The following LMBR1 variants were observed in gnomAD, a reference collection of about 807,000 sequenced individuals.
LMBR1 encodes limb region 1 protein homolog.
In LMBR1, 52 loss-of-function variants were observed where a neutral mutation model predicts 73.9. The ratio of observed to expected loss-of-function variants is 0.70; its 90% CI spans 0.56 to 0.89. The LOEUF (loss-of-function observed/expected upper bound fraction) is 0.89, where lower values mean the gene tolerates loss of function less well. Ranked by LOEUF, LMBR1 falls within the 40% of genes least tolerant of loss-of-function variation. The pLI, the probability that LMBR1 is intolerant of heterozygous loss-of-function variation, is 0.00. For missense variants in LMBR1, 539 were observed against 579.8 expected, an observed-to-expected ratio of 0.93 and a Z score of 0.72; for synonymous variants, 215 against 209.4, an observed-to-expected ratio of 1.03 and a Z score of -0.23.
intron 5 of LMBR1, among the ~76,000 whole-genome samples, chr7:156,781,166 T>A: frequency 6.6e-6 from 1 of 152,194 alleles, no homozygotes; most frequent in East Asian, 1.9e-4. Context: ...TTACTTATTA[T>A]TACAGTGAAA....
At chr7:156,720,206 T>G (rs962374817) in intron 15 of LMBR1, among the ~76,000 whole-genome samples, 6 of 151,912 alleles carry the variant, frequency 3.9e-5, no homozygotes, top group Non-Finnish European at 8.8e-5. Context: ...AACCTACTCA[T>G]CTGACAAAGG....
At chr7:156,730,772 C>G (rs1271347032) in intron 10 of LMBR1, among the ~76,000 whole-genome samples, 1 of 152,076 alleles carries the variant, frequency 6.6e-6, no homozygotes, top group Non-Finnish European at 1.5e-5. Flanking sequence ...CCCGTCTCTA[C>G]TAAAAATACA....
intron 4 of LMBR1, among the ~76,000 whole-genome samples, chr7:156,803,716 C>T (rs1372933376): frequency 1.3e-5 from 2 of 151,838 alleles, no homozygotes; most frequent in Admixed American, 1.3e-4. Context: ...TGGCACTATT[C>T]ACAATAGAAA....
At chr7:156,738,545 C>A (rs1266873972) in intron 9 of LMBR1, among the ~76,000 whole-genome samples, 3 of 152,208 alleles carry the variant, frequency 2.0e-5, no homozygotes, top group African/African-American at 4.8e-5. Flanking sequence ...GGCAGCAGAG[C>A]TCACAGCAAG....
At chr7:156,787,202 A>AG (rs1828273381) in intron 5 of LMBR1, among the ~76,000 whole-genome samples, 1 of 151,990 alleles carries the variant, frequency 6.6e-6, no homozygotes, top group African/African-American at 2.4e-5. Context: ...TGTGCCTCTA[A>AG]CCTCATTTTT....
chr7:156,773,386 G>C (rs1373374144), intron 5 of LMBR1, among the ~76,000 whole-genome samples: 1 of 152,036 alleles, frequency 6.6e-6, no homozygotes, highest in Non-Finnish European at 1.5e-5. Flanking sequence ...TATAGTCAAA[G>C]CAATCCTAAG....
intron 15 of LMBR1, among the ~76,000 whole-genome samples, chr7:156,700,462 G>A (rs1046626179): frequency 6.6e-6 from 1 of 152,002 alleles, no homozygotes; most frequent in African/African-American, 2.4e-5. Context: ...GTTAATGGGT[G>A]CAGCACACCA....
intron 1 of LMBR1, among the ~76,000 whole-genome samples, chr7:156,872,889 A>T (rs533317850): frequency 2.6e-5 from 4 of 152,308 alleles, no homozygotes; most frequent in Admixed American, 2.0e-4. Flanking sequence ...ACGCTCTGAA[A>T]GAAGCAGATT....
intron 4 of LMBR1, among the ~76,000 whole-genome samples, chr7:156,814,259 A>G (rs1013649955): frequency 1.3e-5 from 2 of 152,210 alleles, no homozygotes; most frequent in Non-Finnish European, 2.9e-5. Context: ...AAAAAGGAAC[A>G]ATGTTTTGAG....
Position 156,724,151 on chromosome 7 carries a change from C to T in LMBR1, c.1186G>A (p.Val396Ile), listed in dbSNP as rs758641280. ...KIIGNCVSIL[V>I]LSSALPVMSR... is the part of the protein sequence containing the mutation. ...ATCACAGGCAGAGCAGAGCTCAAAACCAAGATGGACACACAATTTCCAATG... is the reference window on the plus strand; with the variant it reads ...ATCACAGGCAGAGCAGAGCTCAAAATCAAGATGGACACACAATTTCCAATG... The change falls in exon 15 of 17, where the codon GTT (valine) becomes ATT (isoleucine). Residue 396 changes from valine to isoleucine, a missense_variant. Around this residue, in one of 3 missense-constraint regions of LMBR1, gnomAD observed 454 missense variants for 473.4 expected, o/e 0.96. Transcript: ENST00000353442. 3 of 1,610,456 alleles carry T rather than the reference C, an allele frequency of 1.9e-6. No individual in the cohort carries two copies. The highest frequency in any genetic ancestry group is 1.7e-5 in the Admixed American group (1 of 59,584).
intron 14 of LMBR1, among the ~76,000 whole-genome samples, chr7:156,725,185 G>A (rs1438096063): frequency 6.6e-6 from 1 of 152,132 alleles, no homozygotes; most frequent in African/African-American, 2.4e-5. Flanking sequence ...AGTCCTTTCA[G>A]GAGCCTTCTA....
intron 15 of LMBR1, among the ~76,000 whole-genome samples, chr7:156,693,076 C>A (rs1229465920): frequency 1.3e-5 from 2 of 151,126 alleles, no homozygotes; most frequent in Non-Finnish European, 2.9e-5. Flanking sequence ...AAACAAAGAG[C>A]AAAATAAGAA....
Position 156,685,733 on chromosome 7 carries a change from A to G in LMBR1, c.1388-1570T>C, listed in dbSNP as rs1585180083. Among the ~76,000 whole-genome samples the G allele has an allele frequency of 1.3e-5, 2 of 152,250 alleles. No individual in the cohort carries two copies. The highest frequency in any genetic ancestry group is 3.8e-4 in the East Asian group (2 of 5,206). On this transcript the variant is annotated intron_variant, in intron 16 of 16. Coordinates refer to ENST00000353442, the MANE Select transcript of LMBR1 (RefSeq NM_022458.4). This position sits in a 1 kb window ranked among gnomAD's most constrained non-coding sequence, Gnocchi z 4.1. The stretch of plus-strand genomic sequence containing the variant: ...TGACCAAATGATCATCATGTGGCCT[A>G]TGGCCACACAGCAGCACTTCCACAG...
chr7:156,761,555 A>G (rs1032522405), intron 8 of LMBR1, among the ~76,000 whole-genome samples: 1 of 152,200 alleles, frequency 6.6e-6, no homozygotes, highest in African/African-American at 2.4e-5. Flanking sequence ...ATACCTGTAA[A>G]TATTTGTAAA....
chr7:156,690,651 A>G (rs1397888693), intron 15 of LMBR1, among the ~76,000 whole-genome samples: 1 of 152,216 alleles, frequency 6.6e-6, no homozygotes, highest in East Asian at 1.9e-4. Flanking sequence ...TTTTCAGGCT[A>G]TTTCAGGTTG....
intron 1 of LMBR1, among the ~76,000 whole-genome samples, chr7:156,886,487 T>C (rs1801928862): frequency 6.6e-6 from 1 of 152,204 alleles, no homozygotes; most frequent in East Asian, 1.9e-4. Context: ...AGCAGGGACA[T>C]GAAGGCACTG....
chr7:156,794,826 C>T (rs563930193), intron 5 of LMBR1, among the ~76,000 whole-genome samples: 2 of 152,258 alleles, frequency 1.3e-5, no homozygotes, highest in South Asian at 2.1e-4. Context: ...GCCGTGTCTA[C>T]AGATCAGTGT....
intron 5 of LMBR1, among the ~76,000 whole-genome samples, chr7:156,774,883 A>G (rs1280115339): frequency 1.3e-5 from 2 of 152,180 alleles, no homozygotes. Context: ...ATGGAGCTGG[A>G]GGCCATTGTC....
At position 156,791,474 on chromosome 7, in the gene LMBR1, G is replaced by A. The variant is rs587779752; in HGVS notation, c.423+4915C>T. 6.6e-6 allele frequency among the ~76,000 whole-genome samples: 1 copy of A among 152,136 alleles called. No homozygotes were observed. Among genetic ancestry groups the A allele is most frequent in the Admixed American group, 6.5e-5 (1 of 15,270 alleles). On this transcript the variant is annotated intron_variant, in intron 5 of 16. Transcript: ENST00000353442. ...AAAAGTCATCTGGTCATAAAATACA[G>A]TACAAGGTCACTTTTATGTAAGTTT...
Sources: gnomAD v4.1 joint callset for allele counts (sites outside exome capture counted in the v4.1 genomes callset) on GRCh38, gnomAD v4.1.1 for gene constraint, gnomAD v4.1.1 regional missense constraint, Gnocchi (gnomAD v3.1) non-coding constraint, MANE v1.5 for transcripts, NCBI Gene and HGNC (gene_info 2026-07-23, HGNC 2026-07-21) for gene names.